MYO18B: variants seen among roughly 807,000 people sequenced by gnomAD.
MYO18B encodes the protein unconventional myosin-XVIIIb.
Under a neutral mutation model 273.0 loss-of-function variants are expected in MYO18B, and 204 were observed. The ratio of observed to expected loss-of-function variants is 0.75; its 90% CI spans 0.67 to 0.84. The LOEUF (loss-of-function observed/expected upper bound fraction) is 0.84, where lower values mean the gene tolerates loss of function less well. MYO18B is among the 40% of genes least tolerant of loss of function. The pLI is 0.00. For synonymous variants in MYO18B, 1,330 were observed against 1,305.7 expected (o/e 1.02, Z -0.40); for missense variants, 3,212 against 3,287.6 (o/e 0.98, Z 0.56).
At chr22:25,785,316 G>A (rs2087334861) in intron 10 of MYO18B, 112 bp from the exon 11 acceptor site, 6 of 971,782 alleles carry the variant, frequency 6.2e-6, no homozygotes, top group Non-Finnish European at 9.4e-6. Context: ...GACAGGGACA[G>A]CCCCTGGGGT....
intron 24 of MYO18B, among the ~76,000 whole-genome samples, chr22:25,876,542 G>T (rs1026967940): frequency 1.3e-5 from 2 of 152,204 alleles, no homozygotes; most frequent in East Asian, 3.9e-4. Flanking sequence ...CTAGGCTGTG[G>T]GTGTTTAGAG....
intron 39 of MYO18B, among the ~76,000 whole-genome samples, chr22:25,960,948 A>G (rs1569239610): frequency 6.6e-6 from 1 of 152,112 alleles, no homozygotes; most frequent in Non-Finnish European, 1.5e-5. Flanking sequence ...CTGGAGTTCA[A>G]GACCAGCCTC....
At chr22:25,826,564 C>A in intron 14 of MYO18B, 65 bp downstream of exon 14, 1 of 1,434,526 alleles carries the variant, frequency 7.0e-7, no homozygotes, top group Non-Finnish European at 9.7e-7. Flanking sequence ...ATTCACATAC[C>A]GGGCAGTTGA....
intron 39 of MYO18B, among the ~76,000 whole-genome samples, chr22:25,983,150 C>T (rs1024604596): frequency 6.6e-6 from 1 of 152,138 alleles, no homozygotes; most frequent in African/African-American, 2.4e-5. Flanking sequence ...GGGAGGATCA[C>T]TTGAGGGCCA....
At chr22:25,766,935 A>G (rs4820654) in intron 3 of MYO18B, among the ~76,000 whole-genome samples, 71,188 of 152,082 alleles carry the variant, frequency 0.47, 18,796 homozygotes, top group African/African-American at 0.72. Context: ...AGCGGACATG[A>G]GTTTGGAAAA....
rs560368141 is a variant in MYO18B, at chr22:26,027,471, G to A, written c.7497G>A (p.Lys2499=). The change falls in exon 43 of 44, where the codon AAG becomes AAA. Residue 2499 remains lysine, a synonymous_variant. Coordinates refer to ENST00000335473, the MANE Select transcript of MYO18B (RefSeq NM_032608.7). The surrounding 1 kb of genome is among the most constrained non-coding windows in gnomAD (Gnocchi z 4.1). ...TTTTGAAGAAGAGCCCGGAGCCCAA[G>A]GAGGATCCCGCTCACCTGTCTGACT... is the stretch of plus-strand genomic sequence containing the variant. ...KTILKKSPEP[K]EDPAHLSDSS... The A allele has an allele frequency of 5.0e-6, 8 of 1,613,936 alleles. No individual in the cohort carries two copies. The South Asian group carries it at 6.6e-5, about 13-fold the overall frequency.
chr22:25,769,028 T>A lies in MYO18B; in HGVS notation c.1112T>A (p.Met371Lys), dbSNP rs1283827362. Residue 371 changes from methionine to lysine, a missense_variant, in exon 4 of 44, where the codon ATG (methionine) becomes AAG (lysine). By Grantham distance (95) the Met-to-Lys change is moderately conservative. Transcript: ENST00000335473. Reference protein sequence around the residue: ...VQGELGDDLRMGEKAGELRST... With the variant: ...VQGELGDDLRKGEKAGELRST... ...GGCGAGTTGGGGGACGATCTGAGAA[T>A]GGGGGAGAAAGCAGGTGAGCTTCGG... is the stretch of plus-strand genomic sequence containing the variant. The A allele has an allele frequency of 6.2e-7, 1 of 1,611,294 alleles. No homozygotes were observed. The highest frequency in any genetic ancestry group is 2.2e-5 in the East Asian group (1 of 44,798).
intron 12 of MYO18B, among the ~76,000 whole-genome samples, chr22:25,808,872 CATT>C (rs774368276): frequency 4.6e-5 from 7 of 152,128 alleles, no homozygotes; most frequent in Non-Finnish European, 8.8e-5. Context: ...CTATCATTGG[CATT>C]ATTGTTATTA....
At chr22:25,862,636 C>T (rs778078153) in intron 21 of MYO18B, among the ~76,000 whole-genome samples, 31 of 152,196 alleles carry the variant, frequency 2.0e-4, no homozygotes, top group Non-Finnish European at 4.1e-4. Flanking sequence ...TTCAGCACTT[C>T]TAACATGTAA....
intron 42 of MYO18B, among the ~76,000 whole-genome samples, chr22:26,020,719 C>G (rs1222860845): frequency 1.3e-5 from 2 of 152,084 alleles, no homozygotes; most frequent in African/African-American, 2.4e-5. Flanking sequence ...TGCATCATCT[C>G]TCATTTCTAA....
At chr22:25,942,311 G>T (rs982339498) in intron 34 of MYO18B, among the ~76,000 whole-genome samples, 1 of 152,168 alleles carries the variant, frequency 6.6e-6, no homozygotes. Flanking sequence ...GCAGGTTCCA[G>T]GAATGATGCA....
chr22:25,794,784 G>A lies in MYO18B; in HGVS notation c.2377-3169G>A, dbSNP rs370419949. Among the ~76,000 whole-genome samples, 217 of 152,254 alleles carry A rather than the reference G, an allele frequency of 1.4e-3. 9 individuals are homozygous for A. In the South Asian group the frequency reaches 0.043, roughly 30 times the overall value. ...CTCCCAAAGTGCTGGGATTACAGGC[G>A]TGAGCCACTGCACCCAGCCAATGTT... On this transcript the variant is annotated intron_variant, in intron 11 of 43. Transcript: ENST00000335473.
intron 36 of MYO18B, among the ~76,000 whole-genome samples, chr22:25,950,138 G>A (rs540416920): frequency 6.6e-6 from 1 of 152,314 alleles, no homozygotes; most frequent in African/African-American, 2.4e-5. Flanking sequence ...ATGCTGGACA[G>A]TGGACCAAAT....
chr22:25,812,998 C>G (rs1431608530), intron 12 of MYO18B, among the ~76,000 whole-genome samples: 1 of 151,634 alleles, frequency 6.6e-6, no homozygotes. Flanking sequence ...CCTCCCACCT[C>G]TCTTCATCCT....
At position 25,786,860 on chromosome 22, in the gene MYO18B, CA is replaced by C. The variant is rs957289072; in HGVS notation, c.2376+1377del. On this transcript the variant is annotated intron_variant, in intron 11 of 43. Transcript: ENST00000335473. ...AAAGATGGGCAAAATATGGAACATA[CA>C]AAAAAAATGTAAATGGATGGCAACT... Among the ~76,000 whole-genome samples the C allele has an allele frequency of 2.1e-4, 32 of 151,878 alleles. No homozygotes were observed. In the East Asian group the frequency reaches 4.4e-3, roughly 21 times the overall value.
At chr22:25,840,199 C>T (rs1431622181) in intron 17 of MYO18B, among the ~76,000 whole-genome samples, 1 of 152,210 alleles carries the variant, frequency 6.6e-6, no homozygotes, top group Non-Finnish European at 1.5e-5. Flanking sequence ...ACTGTCTCCC[C>T]AGGGCCCTGA....
chr22:25,929,931 T>C (rs1404705066), intron 34 of MYO18B, among the ~76,000 whole-genome samples: 1 of 152,124 alleles, frequency 6.6e-6, no homozygotes, highest in Non-Finnish European at 1.5e-5. Flanking sequence ...CCATTGGTAG[T>C]TTCACATTGC....
chr22:25,864,073 A>G (rs2090817850), intron 21 of MYO18B, among the ~76,000 whole-genome samples: 1 of 152,084 alleles, frequency 6.6e-6, no homozygotes, highest in East Asian at 1.9e-4. Context: ...GGTTTTTTCC[A>G]TGCTTTGCTC....
At chr22:25,818,397 C>A (rs2089131929) in intron 12 of MYO18B, among the ~76,000 whole-genome samples, 2 of 152,218 alleles carry the variant, frequency 1.3e-5, no homozygotes, top group Admixed American at 1.3e-4. Flanking sequence ...AGATCAGCCA[C>A]AGCCGGGCAG....
Sources: allele counts gnomAD v4.1 joint callset (sites outside exome capture counted in the v4.1 genomes callset), GRCh38; gene constraint gnomAD v4.1.1; non-coding constraint Gnocchi (gnomAD v3.1); transcripts MANE v1.5; gene names NCBI Gene and HGNC (gene_info 2026-07-23, HGNC 2026-07-21).